Variants in CYFIP1 observed in about 807,000 individuals in gnomAD.
CYFIP1 encodes the protein cytoplasmic FMR1-interacting protein 1.
Under a neutral mutation model 163.5 loss-of-function variants are expected in CYFIP1, and 58 were observed. The ratio of observed to expected loss-of-function variants is 0.35; its 90% CI spans 0.29 to 0.44. The LOEUF (loss-of-function observed/expected upper bound fraction) is 0.44. Ranked by LOEUF, CYFIP1 falls within the 20% of genes least tolerant of loss-of-function variation. The pLI, the probability that CYFIP1 is intolerant of heterozygous loss-of-function variation, is 1.00. For missense variants in CYFIP1, 1,338 were observed against 1,653.8 expected (o/e 0.81, Z 3.31); for synonymous variants, 663 against 660.7 (o/e 1.00, Z -0.05).
At chr15:22,900,500 G>C (rs1026987697) in intron 22 of CYFIP1, among the ~76,000 whole-genome samples, 2 of 150,772 alleles carry the variant, frequency 1.3e-5, no homozygotes, top group Non-Finnish European at 2.9e-5. Context: ...CCGGGTTCAC[G>C]CCATTCTCCT....
intron 1 of CYFIP1, among the ~76,000 whole-genome samples, chr15:22,959,533 C>T (rs760175765): frequency 1.3e-5 from 2 of 152,216 alleles, no homozygotes; most frequent in Non-Finnish European, 2.9e-5. Flanking sequence ...CGGGCAGTCC[C>T]GCCTGCTCAG....
chr15:22,892,111 G>A (rs938137156), intron 23 of CYFIP1, among the ~76,000 whole-genome samples: 2 of 152,220 alleles, frequency 1.3e-5, no homozygotes, highest in South Asian at 2.1e-4. Flanking sequence ...GGATCCTCTG[G>A]CCTCATCCTG....
At chr15:22,880,786 GC>G (rs1238514313) in intron 25 of CYFIP1, among the ~76,000 whole-genome samples, 1 of 152,100 alleles carries the variant, frequency 6.6e-6, no homozygotes, top group African/African-American at 2.4e-5. Flanking sequence ...GCCCGACACG[GC>G]CCCTCTGCTC....
chr15:22,884,509 G>T (rs532938406), intron 23 of CYFIP1, among the ~76,000 whole-genome samples: 1 of 152,312 alleles, frequency 6.6e-6, no homozygotes, highest in East Asian at 1.9e-4. Flanking sequence ...TAAGATGTGG[G>T]CTCCCACAGT....
chr15:22,930,282 T>C (rs1304429413), intron 11 of CYFIP1, among the ~76,000 whole-genome samples: 1 of 149,792 alleles, frequency 6.7e-6, no homozygotes, highest in Admixed American at 6.7e-5. Context: ...TAGTCCCAGC[T>C]ACTCGGGAGG....
chr15:22,874,876 G>A (rs1468283356), intron 27 of CYFIP1, among the ~76,000 whole-genome samples: 13 of 151,920 alleles, frequency 8.6e-5, no homozygotes, highest in Admixed American at 2.6e-4. Flanking sequence ...AAATGTAATC[G>A]AAAGCAGAAA....
intron 16 of CYFIP1, 157 bp from the exon 17 acceptor site, chr15:22,915,039 G>C (rs2060922966): frequency 9.1e-6 from 6 of 656,044 alleles, no homozygotes; most frequent in African/African-American, 1.9e-5. Context: ...CCGGGGCCTT[G>C]CACTAGGGAC....
chr15:22,965,141 TAAACTTA>T, intron 1 of CYFIP1, among the ~76,000 whole-genome samples: 1 of 152,118 alleles, frequency 6.6e-6, no homozygotes, highest in Non-Finnish European at 1.5e-5. Context: ...AAAAATACTC[TAAACTTA>T]AAATTACTTA....
chr15:22,973,137 A>G (rs1277538251), intron 1 of CYFIP1, among the ~76,000 whole-genome samples: 3 of 152,068 alleles, frequency 2.0e-5, no homozygotes, highest in African/African-American at 7.2e-5. Flanking sequence ...CTCCGTCTCA[A>G]AAAAACAAAA....
At chr15:22,897,118 C>T (rs1277866667) in intron 22 of CYFIP1, among the ~76,000 whole-genome samples, 1 of 152,004 alleles carries the variant, frequency 6.6e-6, no homozygotes, top group Non-Finnish European at 1.5e-5. Context: ...GAGGCTGAGG[C>T]AGGAGAATCA....
chr15:22,873,535 C>G lies in CYFIP1; in HGVS notation c.3405G>C (p.Gln1135His). The G allele has an allele frequency of 1.2e-6, 2 of 1,614,230 alleles. No homozygotes were observed. The highest frequency in any genetic ancestry group is 1.7e-6 in the Non-Finnish European group (2 of 1,180,032). The change falls in exon 29 of 31, where the codon CAG becomes CAC. Residue 1135 changes from glutamine (Q) to histidine (H), a missense_variant. Gln to His is a conservative substitution (Grantham distance 24). Coordinates refer to ENST00000617928, the MANE Select transcript of CYFIP1 (RefSeq NM_014608.6). Reference sequence around the variant, plus strand: ...TCCCCACGGGAATGCAGTAGACAAACTGCATGGCACTCCACAGTCTGTGAA... The same window carrying G: ...TCCCCACGGGAATGCAGTAGACAAAGTGCATGGCACTCCACAGTCTGTGAA... ...VEFHRLWSAM[Q>H]FVYCIPVGTH...
At chr15:22,928,173 C>T (rs1203740131) in intron 11 of CYFIP1, 145 bp from the exon 12 acceptor site, 2 of 1,026,064 alleles carry the variant, frequency 1.9e-6, no homozygotes, top group African/African-American at 1.7e-5. Flanking sequence ...ATCACAAGGT[C>T]GGGAGATCCA....
At chr15:22,947,321 G>C in intron 1 of CYFIP1, 30 bp from the exon 2 acceptor site, 1 of 1,601,590 alleles carries the variant, frequency 6.2e-7, no homozygotes, top group Non-Finnish European at 8.5e-7. Flanking sequence ...CCCCTGTTCT[G>C]TGAGGAGAAG....
chr15:22,880,250 G>A (rs568901014), intron 25 of CYFIP1, among the ~76,000 whole-genome samples: 4 of 152,312 alleles, frequency 2.6e-5, no homozygotes, highest in South Asian at 2.1e-4. Flanking sequence ...ATGTGACCCC[G>A]GGCCTTGGCT....
intron 23 of CYFIP1, among the ~76,000 whole-genome samples, chr15:22,886,414 C>G (rs1240045076): frequency 6.6e-6 from 1 of 152,124 alleles, no homozygotes; most frequent in Non-Finnish European, 1.5e-5. Flanking sequence ...CCAAATAAAT[C>G]AAATAAATAA....
At chr15:22,969,865 A>G (rs965077366) in intron 1 of CYFIP1, among the ~76,000 whole-genome samples, 1 of 152,226 alleles carries the variant, frequency 6.6e-6, no homozygotes, top group Non-Finnish European at 1.5e-5. Flanking sequence ...CAATACTAAC[A>G]TTAGACAAGT....
At chr15:22,934,707 C>G (rs915913411) in intron 9 of CYFIP1, among the ~76,000 whole-genome samples, 3 of 151,172 alleles carry the variant, frequency 2.0e-5, no homozygotes, top group African/African-American at 4.9e-5. Context: ...ACCGTGTTAG[C>G]CAGGATGGTC....
chr15:22,931,687 A>G (rs80063072), intron 11 of CYFIP1, among the ~76,000 whole-genome samples: 14 of 70,790 alleles, frequency 2.0e-4, no homozygotes, highest in African/African-American at 4.6e-4. Context: ...TGTTTTTCTG[A>G]AAAAAAAAAA....
intron 22 of CYFIP1, among the ~76,000 whole-genome samples, chr15:22,895,637 T>C (rs1299362000): frequency 6.6e-6 from 1 of 152,130 alleles, no homozygotes; most frequent in Non-Finnish European, 1.5e-5. Context: ...GCTAGCAAGA[T>C]GACTCAACAT....
Sources: allele counts gnomAD v4.1 joint callset (sites outside exome capture counted in the v4.1 genomes callset), GRCh38; gene constraint gnomAD v4.1.1; transcripts MANE v1.5; gene names NCBI Gene and HGNC (gene_info 2026-07-23, HGNC 2026-07-21).